The following FNIP1 variants were observed in gnomAD, a reference collection of about 807,000 sequenced individuals.
The protein encoded by FNIP1 is folliculin-interacting protein 1.
In FNIP1, 40 loss-of-function variants were observed where a neutral mutation model predicts 124.5. The ratio of observed to expected loss-of-function variants is 0.32; its 90% CI spans 0.25 to 0.42. FNIP1 has a LOEUF of 0.42. Among genes scored for constraint, FNIP1 ranks in the 10% least tolerant of loss-of-function variants. The probability of loss-of-function intolerance (pLI) is 1.00; values close to 1 mark genes in which losing one functional copy is unlikely to be tolerated. For missense variants in FNIP1, 1,176 were observed against 1,403.7 expected, an observed-to-expected ratio of 0.84 and a Z score of 2.59; for synonymous variants, 472 against 470.6, an observed-to-expected ratio of 1.00 and a Z score of -0.04.
chr5:131,693,858 C>T (rs1005736786), intron 11 of FNIP1, among the ~76,000 whole-genome samples: 13 of 151,600 alleles, frequency 8.6e-5, no homozygotes, highest in African/African-American at 3.1e-4. Context: ...ACAACAACAA[C>T]AAAAACCGTC....
intron 15 of FNIP1, 80 bp downstream of exon 15, chr5:131,670,383 A>C: frequency 7.5e-7 from 1 of 1,331,168 alleles, no homozygotes. Flanking sequence ...AAGTATGACC[A>C]AAAATATAAG....
intron 15 of FNIP1, among the ~76,000 whole-genome samples, chr5:131,660,860 G>A (rs574679076): frequency 1.3e-4 from 20 of 152,292 alleles, no homozygotes; most frequent in African/African-American, 3.8e-4. Flanking sequence ...TCTTGGACTG[G>A]GGGCTGACGC....
chr5:131,688,174 A>G (rs1055149554), intron 11 of FNIP1, among the ~76,000 whole-genome samples: 3 of 152,108 alleles, frequency 2.0e-5, no homozygotes, highest in Non-Finnish European at 4.4e-5. Context: ...CCTTACTTCC[A>G]TATCAACATA....
intron 13 of FNIP1, among the ~76,000 whole-genome samples, chr5:131,673,318 A>C (rs942852421): frequency 6.6e-6 from 1 of 151,520 alleles, no homozygotes; most frequent in African/African-American, 2.4e-5. Context: ...GGCCTCCCAA[A>C]GTGCTGGGAT....
chr5:131,776,691 T>C (rs1771817971), intron 1 of FNIP1, among the ~76,000 whole-genome samples: 1 of 152,130 alleles, frequency 6.6e-6, no homozygotes, highest in Admixed American at 6.5e-5. Context: ...CATAATTCCA[T>C]TTACACAGAG....
intron 3 of FNIP1, among the ~76,000 whole-genome samples, chr5:131,720,398 GAAA>G (rs1169816538): frequency 3.9e-5 from 6 of 152,254 alleles, no homozygotes; most frequent in Admixed American, 3.9e-4. Flanking sequence ...ACTCCCAGAA[GAAA>G]ACAGGAGAAA....
chr5:131,660,490 T>A (rs1767393053), intron 15 of FNIP1, among the ~76,000 whole-genome samples: 1 of 152,042 alleles, frequency 6.6e-6, no homozygotes. Flanking sequence ...TTGGCCCCAG[T>A]AGGATAGCTT....
intron 1 of FNIP1, among the ~76,000 whole-genome samples, chr5:131,790,909 A>G (rs1772387875): frequency 6.6e-6 from 1 of 152,220 alleles, no homozygotes; most frequent in Admixed American, 6.5e-5. Context: ...TAGAAGGAGG[A>G]GTGTAGATTA....
chr5:131,705,225 C>T (rs1355213226), intron 9 of FNIP1, among the ~76,000 whole-genome samples: 2 of 151,780 alleles, frequency 1.3e-5, no homozygotes, highest in South Asian at 2.1e-4. Context: ...AATCCTAGCA[C>T]TTTGGGAGGC....
chr5:131,708,138 A>G (rs1349360213), intron 8 of FNIP1, among the ~76,000 whole-genome samples: 1 of 152,210 alleles, frequency 6.6e-6, no homozygotes, highest in Non-Finnish European at 1.5e-5. Context: ...TTTGTTTCAC[A>G]AATACAGATG....
At chr5:131,647,472 TTTTG>T (rs1238843388) in intron 16 of FNIP1, among the ~76,000 whole-genome samples, 1 of 151,874 alleles carries the variant, frequency 6.6e-6, no homozygotes, top group East Asian at 1.9e-4. Flanking sequence ...TTTAACCATT[TTTTG>T]TTTGTTTTTT....
intron 5 of FNIP1, among the ~76,000 whole-genome samples, chr5:131,718,130 C>T (rs556510663): frequency 6.7e-6 from 1 of 150,286 alleles, no homozygotes; most frequent in Admixed American, 6.6e-5. Context: ...ACAGAGGTTG[C>T]AGTGAGCTGA....
chr5:131,778,257 C>G (rs910788749), intron 1 of FNIP1, among the ~76,000 whole-genome samples: 1 of 152,192 alleles, frequency 6.6e-6, no homozygotes, highest in Admixed American at 6.5e-5. Context: ...AACAAACAAA[C>G]AAAACCTGAC....
Position 131,671,665 on chromosome 5 carries a change from C to T in FNIP1, c.2779G>A (p.Val927Ile), listed in dbSNP as rs76224953. 389 of 1,614,170 alleles carry T rather than the reference C, an allele frequency of 2.4e-4. 2 individuals are homozygous for T. The East Asian group carries it at 7.4e-3, about 31-fold the overall frequency. ...CTTGGAATGTCCCATTCAGTTCCTACAGCAATTTTTTTATCTGAACTCTCT... is the reference window on the plus strand; with the variant it reads ...CTTGGAATGTCCCATTCAGTTCCTATAGCAATTTTTTTATCTGAACTCTCT... ...DKESSDKKIA[V>I]GTEWDIPRNE... The change falls in exon 14 of 18, where the codon GTA becomes ATA. Residue 927 changes from valine (V) to isoleucine (I), a missense_variant. Transcript: ENST00000510461.
chr5:131,708,147 T>C (rs1401063521), intron 8 of FNIP1, among the ~76,000 whole-genome samples: 2 of 152,218 alleles, frequency 1.3e-5, no homozygotes, highest in African/African-American at 2.4e-5. Context: ...CAAATACAGA[T>C]GCCTAGAGAT....
chr5:131,653,262 G>T (rs26004), intron 15 of FNIP1, among the ~76,000 whole-genome samples: 96,638 of 151,840 alleles, frequency 0.64, 32,789 homozygotes, highest in Non-Finnish European at 0.77. Flanking sequence ...TTCAGGCTGG[G>T]CGTGGTAGTT....
chr5:131,690,021 C>A (rs182225332), intron 11 of FNIP1, among the ~76,000 whole-genome samples: 1 of 152,086 alleles, frequency 6.6e-6, no homozygotes, highest in African/African-American at 2.4e-5. Flanking sequence ...GAGATCGAGG[C>A]CATCCTGGCT....
intron 3 of FNIP1, among the ~76,000 whole-genome samples, chr5:131,729,422 G>A (rs1769999261): frequency 6.6e-6 from 1 of 152,190 alleles, no homozygotes; most frequent in Admixed American, 6.5e-5. Context: ...GGCTACAGTG[G>A]CTTAGCTGAG....
intron 15 of FNIP1, among the ~76,000 whole-genome samples, chr5:131,666,394 G>C (rs1479665541): frequency 6.6e-6 from 1 of 152,142 alleles, no homozygotes; most frequent in Non-Finnish European, 1.5e-5. Context: ...GAGGGGGAAA[G>C]ACAAATAGCT....
Sources: allele counts gnomAD v4.1 joint callset (sites outside exome capture counted in the v4.1 genomes callset), GRCh38; gene constraint gnomAD v4.1.1; transcripts MANE v1.5; gene names NCBI Gene and HGNC (gene_info 2026-07-23, HGNC 2026-07-21).